PCDH15: variants seen among roughly 807,000 people sequenced by gnomAD.
PCDH15 encodes the protein protocadherin-15.
Under a neutral mutation model 178.5 loss-of-function variants are expected in PCDH15, and 129 were observed. The observed-to-expected ratio is 0.72, with a 90% confidence interval of 0.63 to 0.84. PCDH15 has a LOEUF of 0.84. Among genes scored for constraint, PCDH15 ranks in the 40% least tolerant of loss-of-function variants. The pLI, the probability that PCDH15 is intolerant of heterozygous loss-of-function variation, is 0.00. For synonymous variants in PCDH15, 800 were observed against 732.0 expected, an observed-to-expected ratio of 1.09 and a Z score of -1.50; for missense variants, 2,230 against 2,099.9, an observed-to-expected ratio of 1.06 and a Z score of -1.21.
chr10:53,865,773 T>A (rs962249960), intron 27 of PCDH15, among the ~76,000 whole-genome samples: 1 of 152,000 alleles, frequency 6.6e-6, no homozygotes, highest in Non-Finnish European at 1.5e-5. Context: ...TGCATGTATA[T>A]GAAGGTTACG....
Position 54,574,699 on chromosome 10 carries a change from G to A in PCDH15, c.92-46822C>T, listed in dbSNP as rs1422291792. Reference sequence around the variant, plus strand: ...AAATAGGAACACTTTTACACTGTTGGTGGGACTGTAAACTAGTTCAACCAT... The same window carrying A: ...AAATAGGAACACTTTTACACTGTTGATGGGACTGTAAACTAGTTCAACCAT... On this transcript the variant is annotated intron_variant, in intron 2 of 37. Coordinates refer to ENST00000644397, the MANE Select transcript of PCDH15 (RefSeq NM_001384140.1). Among the ~76,000 whole-genome samples, 6 of 150,206 alleles carry A rather than the reference G, an allele frequency of 4.0e-5. No homozygotes were observed. In the East Asian group the frequency reaches 1.2e-3, roughly 30 times the overall value.
intron 2 of PCDH15, among the ~76,000 whole-genome samples, chr10:55,027,878 AT>A (rs1169390012): frequency 1.3e-5 from 2 of 151,900 alleles, no homozygotes; most frequent in Non-Finnish European, 2.9e-5. Context: ...CATTCAGCAA[AT>A]AATTATTAAG....
intron 29 of PCDH15, among the ~76,000 whole-genome samples, chr10:53,834,518 GT>G (rs11438530): frequency 0.19 from 26,338 of 141,526 alleles, 3,188 homozygotes; most frequent in East Asian, 0.67. Context: ...ACAGAAATGT[GT>G]TTTTTTTTTT....
In PCDH15 at chr10:54,195,670, G is replaced by A. The variant is rs1019816397; in HGVS notation, c.1305+13C>T. The A allele has an allele frequency of 6.3e-7, 1 of 1,599,612 alleles. No individual in the cohort carries two copies. The highest frequency in any genetic ancestry group is 8.6e-7 in the Non-Finnish European group (1 of 1,167,466). On this transcript the variant is annotated intron_variant, in intron 11 of 37. Transcript: ENST00000644397. ...TGTTACACAAACAAGAGCAAAATAT[G>A]TATTTAACTTACATCTTCTATGTCC...
At chr10:54,494,615 G>A (rs563187792) in intron 3 of PCDH15, among the ~76,000 whole-genome samples, 50 of 152,040 alleles carry the variant, frequency 3.3e-4, no homozygotes, top group African/African-American at 1.2e-3. Context: ...ACCCTTTCAT[G>A]CCACATATAA....
At chr10:55,445,915 T>C (rs999645403) in intron 2 of PCDH15, among the ~76,000 whole-genome samples, 1 of 152,052 alleles carries the variant, frequency 6.6e-6, no homozygotes, top group African/African-American at 2.4e-5. Context: ...GAGAAGCCTT[T>C]CACTTGAGAA....
At chr10:55,118,059 T>C (rs541175314) in intron 2 of PCDH15, among the ~76,000 whole-genome samples, 3 of 152,140 alleles carry the variant, frequency 2.0e-5, no homozygotes, top group African/African-American at 4.8e-5. Flanking sequence ...AAGAATATGA[T>C]GGATAGGAAA....
At chr10:53,992,324 T>C (rs1049876876) in intron 21 of PCDH15, among the ~76,000 whole-genome samples, 1 of 152,198 alleles carries the variant, frequency 6.6e-6, no homozygotes, top group African/African-American at 2.4e-5. Flanking sequence ...TAACACTCAG[T>C]GCGACAGTCT....
At chr10:55,288,403 T>G (rs1324371735) in intron 1 of PCDH15, among the ~76,000 whole-genome samples, 1 of 151,744 alleles carries the variant, frequency 6.6e-6, no homozygotes, top group Non-Finnish European at 1.5e-5. Flanking sequence ...TGAAGAAACG[T>G]GAATCAAAAG....
At chr10:53,847,321 C>T (rs764701087) in intron 28 of PCDH15, among the ~76,000 whole-genome samples, 1 of 152,002 alleles carries the variant, frequency 6.6e-6, no homozygotes, top group Non-Finnish European at 1.5e-5. Context: ...ATAGAGAGTT[C>T]CACCCCAAGT....
chr10:55,305,904 A>G lies in PCDH15; in HGVS notation c.-156+13695T>C, dbSNP rs114354409. Among the ~76,000 whole-genome samples the G allele has an allele frequency of 4.8e-3, 728 of 152,326 alleles. 11 individuals are homozygous for G. Among genetic ancestry groups the G allele is most frequent in the African/African-American group, 0.017 (690 of 41,568 alleles). On this transcript the variant is annotated intron_variant, in intron 1 of 5. Coordinates refer to the PCDH15 transcript ENST00000458638. The stretch of plus-strand genomic sequence containing the variant: ...TGTAGACATGAACATGCCCAATGAC[A>G]AAACATTATTACTATTCTATTTAAT...
chr10:54,679,131 A>G (rs1462944505), intron 1 of PCDH15, among the ~76,000 whole-genome samples: 1 of 144,134 alleles, frequency 6.9e-6, no homozygotes, highest in Non-Finnish European at 1.5e-5. Context: ...CGGAGCTTGC[A>G]GTGAGCCGAG....
At chr10:55,425,052 A>C (rs1838718303) in intron 2 of PCDH15, among the ~76,000 whole-genome samples, 1 of 152,066 alleles carries the variant, frequency 6.6e-6, no homozygotes, top group African/African-American at 2.4e-5. Context: ...TGAACAAATG[A>C]TGCTTTTTAA....
chr10:53,821,454 A>ACAGT, intron 32 of PCDH15: 1 of 1,019,402 alleles, frequency 9.8e-7, no homozygotes, highest in Non-Finnish European at 1.2e-6. Flanking sequence ...CTTATTTGTA[A>ACAGT]CAGTCTGCTT....
chr10:54,103,215 C>T (rs1447336088), intron 15 of PCDH15, among the ~76,000 whole-genome samples: 1 of 152,138 alleles, frequency 6.6e-6, no homozygotes, highest in Non-Finnish European at 1.5e-5. Context: ...AAGTTTTCTG[C>T]TTAAATTAAG....
chr10:54,856,486 C>G (rs947978038), intron 3 of PCDH15, among the ~76,000 whole-genome samples: 2 of 152,088 alleles, frequency 1.3e-5, no homozygotes, highest in Admixed American at 1.3e-4. Flanking sequence ...CCAAAATGAG[C>G]TTTTCATAGC....
intron 3 of PCDH15, among the ~76,000 whole-genome samples, chr10:54,487,057 G>A (rs192651243): frequency 1.1e-3 from 161 of 152,012 alleles, no homozygotes; most frequent in African/African-American, 3.5e-3. Flanking sequence ...TTATATATTT[G>A]GGAGGTTCTA....
chr10:53,878,862 A>T (rs1038508425), intron 26 of PCDH15, among the ~76,000 whole-genome samples: 1 of 152,090 alleles, frequency 6.6e-6, no homozygotes, highest in Non-Finnish European at 1.5e-5. Context: ...GTTTAGTTCT[A>T]CCACTTATTA....
intron 2 of PCDH15, among the ~76,000 whole-genome samples, chr10:54,941,698 A>G (rs1225296687): frequency 2.0e-5 from 3 of 152,112 alleles, no homozygotes; most frequent in Non-Finnish European, 4.4e-5. Context: ...TTAAAAAATT[A>G]TATATTTTAG....
Sources: gnomAD v4.1 joint callset for allele counts (sites outside exome capture counted in the v4.1 genomes callset) on GRCh38, gnomAD v4.1.1 for gene constraint, MANE v1.5 for transcripts, NCBI Gene and HGNC (gene_info 2026-07-23, HGNC 2026-07-21) for gene names.